The following TRPM3 variants were observed in gnomAD, a reference collection of about 807,000 sequenced individuals.
TRPM3 encodes long transient receptor potential channel 3.
Under a neutral mutation model 181.2 loss-of-function variants are expected in TRPM3, and 77 were observed. That is an observed-to-expected ratio of 0.42 (90% confidence interval 0.35 to 0.51). The LOEUF (loss-of-function observed/expected upper bound fraction) is 0.51, where lower values mean the gene tolerates loss of function less well. Ranked by LOEUF, TRPM3 falls within the 20% of genes least tolerant of loss-of-function variation. TRPM3 has a pLI of 0.01. For missense variants in TRPM3, 1,759 were observed against 2,196.7 expected, an observed-to-expected ratio of 0.80 and a Z score of 3.98; for synonymous variants, 745 against 796.4, an observed-to-expected ratio of 0.94 and a Z score of 1.09.
At chr9:70,791,667 G>T (rs561555989) in intron 6 of TRPM3, among the ~76,000 whole-genome samples, 1 of 152,252 alleles carries the variant, frequency 6.6e-6, no homozygotes, top group South Asian at 2.1e-4. Flanking sequence ...CTGGAGATAT[G>T]GGGATGTCAA....
intron 1 of TRPM3, among the ~76,000 whole-genome samples, chr9:70,943,483 T>G (rs887127598): frequency 6.6e-6 from 1 of 152,166 alleles, no homozygotes; most frequent in Non-Finnish European, 1.5e-5. Context: ...ATAACCCGAG[T>G]TGACTGTTCC....
chr9:70,553,011 T>C lies in TRPM3; in HGVS notation c.3407A>G (p.Asn1136Ser). ...ATACCTCTGAAACTTCCAGACTTGGTTGGATATCGATTTTACTTCAAAAAA... is the reference window on the plus strand; with the variant it reads ...ATACCTCTGAAACTTCCAGACTTGGCTGGATATCGATTTTACTTCAAAAAA... ...NTFFEVKSISNQVWKFQRYQL... is the reference protein window; with the variant it reads ...NTFFEVKSISSQVWKFQRYQL... The change falls in exon 24 of 26, where the codon AAC becomes AGC. Residue 1136 changes from asparagine to serine, a missense_variant. By Grantham distance (46) the Asn-to-Ser change is conservative. Transcript: ENST00000677713. The C allele has an allele frequency of 6.2e-7, 1 of 1,614,142 alleles. No individual in the cohort carries two copies. Among genetic ancestry groups the C allele is most frequent in the Non-Finnish European group, 8.5e-7 (1 of 1,180,030 alleles).
intron 6 of TRPM3, among the ~76,000 whole-genome samples, chr9:70,808,702 G>A (rs905474446): frequency 5.9e-5 from 9 of 152,242 alleles, no homozygotes; most frequent in African/African-American, 2.2e-4. Flanking sequence ...CCTCTAAAAG[G>A]CGGAGAAAGC....
chr9:70,621,053 G>A (rs1379506233), intron 15 of TRPM3, among the ~76,000 whole-genome samples, 191 bp downstream of exon 15: 1 of 144,290 alleles, frequency 6.9e-6, no homozygotes, highest in Non-Finnish European at 1.5e-5. Context: ...ACATACTATA[G>A]TATGTAGTAT....
rs759063852 is a variant in TRPM3 at position 70,610,681 on chromosome 9, G to T, written c.2595C>A (p.His865Gln). The T allele has an allele frequency of 6.2e-7, 1 of 1,614,178 alleles. No homozygotes were observed. Among genetic ancestry groups the T allele is most frequent in the East Asian group, 2.2e-5 (1 of 44,878 alleles). The change falls in exon 19 of 26, where the codon CAC (histidine) becomes CAA (glutamine). Residue 865 changes from histidine to glutamine, a missense_variant. His to Gln is a conservative substitution (Grantham distance 24). This residue lies in a region of TRPM3 where 114 missense variants were observed against 134.8 expected (regional missense o/e 0.85). Coordinates refer to ENST00000677713, the MANE Select transcript of TRPM3 (RefSeq NM_001366145.2). ...TTTTTCTGCCGAGGGGGATTAACCG[G>T]TGCTTGCTCTGAACTTCCTCTTCAT... ...KKDEEEVQSK[H>Q]RLIPLGRKIY...
At chr9:70,826,549 GT>G (rs562636220) in intron 6 of TRPM3, 230 of 152,272 alleles carry the variant, frequency 1.5e-3, no homozygotes, top group African/African-American at 5.2e-3. Context: ...TCCCTAAAAG[GT>G]GGGACCAGAA....
At chr9:71,339,875 G>T (rs2090833343) in intron 1 of TRPM3, among the ~76,000 whole-genome samples, 1 of 151,980 alleles carries the variant, frequency 6.6e-6, no homozygotes, top group African/African-American at 2.4e-5. Context: ...GACGTTTTTG[G>T]TATATAAATT....
chr9:70,990,737 A>G (rs986177496), intron 1 of TRPM3, among the ~76,000 whole-genome samples: 1 of 152,200 alleles, frequency 6.6e-6, no homozygotes, highest in Non-Finnish European at 1.5e-5. Flanking sequence ...AAGGCATAAA[A>G]TGCACAAAAG....
chr9:71,333,437 A>G (rs2090350969), intron 1 of TRPM3, among the ~76,000 whole-genome samples: 1 of 152,018 alleles, frequency 6.6e-6, no homozygotes, highest in African/African-American at 2.4e-5. Flanking sequence ...GGTATTTCCA[A>G]GATAAGCTCA....
chr9:71,219,373 T>C (rs896453817), intron 1 of TRPM3, among the ~76,000 whole-genome samples: 15 of 152,210 alleles, frequency 9.9e-5, no homozygotes, highest in African/African-American at 3.6e-4. Flanking sequence ...TGGTCAACTG[T>C]AGTAAGTTTT....
chr9:70,674,520 G>A (rs2063596051), intron 9 of TRPM3, among the ~76,000 whole-genome samples: 1 of 152,032 alleles, frequency 6.6e-6, no homozygotes, highest in Non-Finnish European at 1.5e-5. Flanking sequence ...AATAGAGTTG[G>A]GAGACATGCA....
intron 7 of TRPM3, among the ~76,000 whole-genome samples, chr9:70,765,174 G>T (rs1409652447): frequency 6.6e-6 from 1 of 152,150 alleles, no homozygotes; most frequent in Non-Finnish European, 1.5e-5. Context: ...CTTCAGCCTT[G>T]CCCCATGGTG....
At chr9:70,769,871 T>C (rs1253846476) in intron 7 of TRPM3, among the ~76,000 whole-genome samples, 1 of 152,210 alleles carries the variant, frequency 6.6e-6, no homozygotes, top group Non-Finnish European at 1.5e-5. Flanking sequence ...GAAGAATCTT[T>C]GTGGATTGAG....
At chr9:71,151,927 C>T (rs1243705348) in intron 1 of TRPM3, among the ~76,000 whole-genome samples, 1 of 152,080 alleles carries the variant, frequency 6.6e-6, no homozygotes, top group African/African-American at 2.4e-5. Flanking sequence ...CTTCAACTAT[C>T]TGCCATCAAC....
chr9:71,156,066 A>G (rs1184518920), intron 1 of TRPM3, among the ~76,000 whole-genome samples: 1 of 152,080 alleles, frequency 6.6e-6, no homozygotes, highest in Non-Finnish European at 1.5e-5. Flanking sequence ...ATGCACAATG[A>G]AAGTTGAAAG....
At chr9:71,426,480 A>G (rs2093865545) in intron 1 of TRPM3, among the ~76,000 whole-genome samples, 1 of 152,166 alleles carries the variant, frequency 6.6e-6, no homozygotes, top group Admixed American at 6.5e-5. Context: ...ATAATGATAC[A>G]GAGTGTCAGG....
At chr9:70,676,684 G>C (rs1479138929) in intron 9 of TRPM3, among the ~76,000 whole-genome samples, 1 of 152,116 alleles carries the variant, frequency 6.6e-6, no homozygotes, top group Non-Finnish European at 1.5e-5. Context: ...AGGTATCTGA[G>C]GTCCAGAAAT....
chr9:70,579,508 G>A (rs1195687915), intron 22 of TRPM3: 1 of 152,192 alleles, frequency 6.6e-6, no homozygotes, highest in African/African-American at 2.4e-5. Flanking sequence ...AGAAAAAAGT[G>A]AGAAAGGGTA....
chr9:71,215,689 A>T (rs1318819906), intron 1 of TRPM3, among the ~76,000 whole-genome samples: 2 of 152,220 alleles, frequency 1.3e-5, no homozygotes, highest in African/African-American at 4.8e-5. Flanking sequence ...AATTGAATGA[A>T]ATCTCCAGAG....
Sources: allele counts gnomAD v4.1 joint callset (sites outside exome capture counted in the v4.1 genomes callset), GRCh38; gene constraint gnomAD v4.1.1; regional missense constraint gnomAD v4.1.1; transcripts MANE v1.5; gene names NCBI Gene and HGNC (gene_info 2026-07-23, HGNC 2026-07-21).